AP3B1: variants seen among roughly 807,000 people sequenced by gnomAD.
AP3B1 encodes adaptor related protein complex 3 subunit beta 1, also known as AP-3 complex subunit beta-1.
Under a neutral mutation model 132.5 loss-of-function variants are expected in AP3B1, and 61 were observed. That is an observed-to-expected ratio of 0.46 (90% CI 0.37 to 0.57). The LOEUF is 0.57. Ranked by LOEUF, AP3B1 falls within the 20% of genes least tolerant of loss-of-function variation. The pLI, the probability that AP3B1 is intolerant of heterozygous loss-of-function variation, is 0.00. For missense variants in AP3B1, 1,120 were observed against 1,289.4 expected, an observed-to-expected ratio of 0.87 and a Z score of 2.01; for synonymous variants, 388 against 438.3, an observed-to-expected ratio of 0.89 and a Z score of 1.43.
In AP3B1 at chr5:78,223,027, C is replaced by CTCTTTTTTTTTTTTTTTT. The variant is rs66493022; in HGVS notation, c.603+2514_603+2515insAAAAAAAAAAAAAAAAGA. 3.8e-3 allele frequency among the ~76,000 whole-genome samples: 485 copies of CTCTTTTTTTTTTTTTTTT among 127,554 alleles called. 14 individuals are homozygous for CTCTTTTTTTTTTTTTTTT. Among genetic ancestry groups the CTCTTTTTTTTTTTTTTTT allele is most frequent in the Non-Finnish European group, 4.9e-3 (295 of 60,214 alleles). 83.7% of individuals were successfully genotyped at this position (127,554 alleles called of 152,430 possible). On this transcript the variant is annotated intron_variant, in intron 6 of 26. Transcript: ENST00000255194. ...TGTTTTTTTGTTTGTTTGTTTGTTT[C>CTCTTTTTTTTTTTTTTTT]TTTTTTTTTTTTTGTAGAGACAAGG...
intron 3 of AP3B1, among the ~76,000 whole-genome samples, chr5:78,232,601 A>G (rs555236003): frequency 6.6e-6 from 1 of 152,352 alleles, no homozygotes; most frequent in East Asian, 1.9e-4. Flanking sequence ...TTGCTATAGT[A>G]AGCAATAAAT....
At chr5:78,202,075 G>A (rs143428170) in intron 7 of AP3B1, among the ~76,000 whole-genome samples, 41 of 152,156 alleles carry the variant, frequency 2.7e-4, no homozygotes, top group African/African-American at 8.9e-4. Context: ...AGTCTTTCCC[G>A]TGCTATGTTC....
intron 21 of AP3B1, among the ~76,000 whole-genome samples, chr5:78,094,272 T>C (rs1280251452): frequency 6.6e-6 from 1 of 152,254 alleles, no homozygotes; most frequent in Non-Finnish European, 1.5e-5. Context: ...CAAAAGACTG[T>C]TAGGTCATAT....
chr5:78,207,513 G>A (rs1745559307), intron 7 of AP3B1, among the ~76,000 whole-genome samples: 1 of 151,446 alleles, frequency 6.6e-6, no homozygotes, highest in South Asian at 2.1e-4. Flanking sequence ...CAGAATAACG[G>A]GTATTCCTCA....
At position 78,143,690 on chromosome 5, in the gene AP3B1, AC is replaced by A. The variant is rs1753253343; in HGVS notation, c.1474-2372del. Reference sequence around the variant, plus strand: ...GCCACTACTTTCAAAGATTTGAAGCACCTGAAAAAAAGGCAAGTAAGAAAAT... The same window carrying A: ...GCCACTACTTTCAAAGATTTGAAGCACTGAAAAAAAGGCAAGTAAGAAAAT... On this transcript the variant is annotated intron_variant, in intron 14 of 26. Coordinates refer to ENST00000255194, the MANE Select transcript of AP3B1 (RefSeq NM_003664.5). Among the ~76,000 whole-genome samples, 3 of 152,238 alleles carry A rather than the reference AC, an allele frequency of 2.0e-5. No individual in the cohort carries two copies. The South Asian group carries it at 6.2e-4, about 32-fold the overall frequency.
intron 9 of AP3B1, 118 bp downstream of exon 9, chr5:78,177,221 G>C (rs1296394513): frequency 1.4e-6 from 1 of 696,954 alleles, no homozygotes; most frequent in Non-Finnish European, 2.5e-6. Context: ...AAATCTTACT[G>C]ATCGATTGAT....
In AP3B1 at chr5:78,253,469, C is replaced by T. The variant is rs78270183; in HGVS notation, c.205-12533G>A. 5.4e-4 allele frequency among the ~76,000 whole-genome samples: 83 copies of T among 152,298 alleles called. 1 individual carries two copies. The East Asian group carries it at 0.013, about 23-fold the overall frequency. On this transcript the variant is annotated intron_variant, in intron 2 of 26. Coordinates refer to ENST00000255194, the MANE Select transcript of AP3B1 (RefSeq NM_003664.5). ...CAGGCAGTGATGACTACAATAAATACCTAACGCTCCAATGCCCAAAAACTG... is the reference window on the plus strand; with the variant it reads ...CAGGCAGTGATGACTACAATAAATATCTAACGCTCCAATGCCCAAAAACTG...
chr5:78,162,685 TA>T (rs1291486873), intron 13 of AP3B1, 133 bp downstream of exon 13: 6 of 899,658 alleles, frequency 6.7e-6, no homozygotes, highest in African/African-American at 1.7e-5. Flanking sequence ...GATAAAATGC[TA>T]CTTATTGTGA....
intron 26 of AP3B1, among the ~76,000 whole-genome samples, chr5:78,005,018 T>C (rs1423495275): frequency 6.6e-6 from 1 of 152,204 alleles, no homozygotes; most frequent in South Asian, 2.1e-4. Flanking sequence ...ATTTCTTTTG[T>C]CTAAATTTTT....
intron 21 of AP3B1, among the ~76,000 whole-genome samples, chr5:78,097,322 C>T (rs1246862463): frequency 3.1e-5 from 3 of 97,014 alleles, no homozygotes; most frequent in African/African-American, 3.1e-5. Context: ...CAGCCCCGTC[C>T]GGGAGGGAGG....
chr5:78,182,126 T>G (rs1365067612), intron 7 of AP3B1, among the ~76,000 whole-genome samples: 1 of 152,188 alleles, frequency 6.6e-6, no homozygotes, highest in Non-Finnish European at 1.5e-5. Context: ...AAACTAGTGT[T>G]GTTAAGTAGG....
intron 3 of AP3B1, among the ~76,000 whole-genome samples, chr5:78,239,395 C>A (rs1747017119): frequency 6.7e-6 from 1 of 148,570 alleles, no homozygotes; most frequent in Non-Finnish European, 1.5e-5. Context: ...CACCTAAACC[C>A]AAGAGGTCAA....
chr5:78,221,538 T>C (rs34465427), intron 6 of AP3B1, among the ~76,000 whole-genome samples: 83,563 of 151,586 alleles, frequency 0.55, 23,211 homozygotes, highest in Admixed American at 0.58. Flanking sequence ...AATAATCAGA[T>C]GTGAAGACTA....
chr5:78,223,034 T>G (rs954630356), intron 6 of AP3B1, among the ~76,000 whole-genome samples: 7 of 147,270 alleles, frequency 4.8e-5, no homozygotes, highest in African/African-American at 1.7e-4. Flanking sequence ...TTTCTTTTTT[T>G]TTTTTTGTAG....
At chr5:78,257,036 A>G (rs1433189116) in intron 2 of AP3B1, among the ~76,000 whole-genome samples, 1 of 152,168 alleles carries the variant, frequency 6.6e-6, no homozygotes, top group Non-Finnish European at 1.5e-5. Flanking sequence ...AATAAAAACT[A>G]TATATGACAA....
At chr5:78,007,296 G>A (rs569937897) in intron 26 of AP3B1, among the ~76,000 whole-genome samples, 2 of 152,302 alleles carry the variant, frequency 1.3e-5, no homozygotes, top group South Asian at 2.1e-4. Flanking sequence ...TATACTTAAT[G>A]CAACAGCTCT....
chr5:78,152,863 T>G (rs1173466385), intron 14 of AP3B1, among the ~76,000 whole-genome samples: 1 of 152,216 alleles, frequency 6.6e-6, no homozygotes, highest in Non-Finnish European at 1.5e-5. Flanking sequence ...AAAATTCCTC[T>G]TGTTTTAGAT....
At chr5:78,168,569 G>A (rs1407706045) in intron 11 of AP3B1, among the ~76,000 whole-genome samples, 2 of 152,052 alleles carry the variant, frequency 1.3e-5, no homozygotes, top group African/African-American at 2.4e-5. Flanking sequence ...AAAGCTACAC[G>A]TATAGTACAA....
At chr5:78,254,597 T>A (rs371230991) in intron 2 of AP3B1, among the ~76,000 whole-genome samples, 2 of 152,116 alleles carry the variant, frequency 1.3e-5, no homozygotes, top group Admixed American at 6.5e-5. Context: ...GAATAGTATA[T>A]CCAGTGAAAA....
Sources: allele counts gnomAD v4.1 joint callset (sites outside exome capture counted in the v4.1 genomes callset), GRCh38; gene constraint gnomAD v4.1.1; transcripts MANE v1.5; gene names NCBI Gene and HGNC (gene_info 2026-07-23, HGNC 2026-07-21).